The following KLHL8 variants were observed in gnomAD, a reference collection of about 807,000 sequenced individuals.
The protein encoded by KLHL8 is kelch like family member 8.
In KLHL8, 38 loss-of-function variants were observed where a neutral mutation model predicts 63.5. That is an observed-to-expected ratio of 0.60 (90% CI 0.46 to 0.78). The LOEUF (loss-of-function observed/expected upper bound fraction) is 0.78, where lower values mean the gene tolerates loss of function less well. Among genes scored for constraint, KLHL8 ranks in the 30% least tolerant of loss-of-function variants. The probability of loss-of-function intolerance (pLI) is 0.00; values close to 1 mark genes in which losing one functional copy is unlikely to be tolerated. For missense variants in KLHL8, 566 were observed against 752.4 expected (o/e 0.75, Z 2.90); for synonymous variants, 224 against 254.3 (o/e 0.88, Z 1.13).
At chr4:87,177,482 C>A (rs1730873088) in intron 5 of KLHL8, among the ~76,000 whole-genome samples, 1 of 151,740 alleles carries the variant, frequency 6.6e-6, no homozygotes, top group African/African-American at 2.4e-5. Flanking sequence ...CTAGCCTGGG[C>A]AACAAGAGCG....
In KLHL8 at chr4:87,162,580, A is replaced by T. The variant is rs996795736; in HGVS notation, c.*939T>A. 2.6e-5 allele frequency: 4 copies of T among 152,216 alleles called. No homozygotes were observed. The highest frequency in any genetic ancestry group is 9.6e-5 in the African/African-American group (4 of 41,464). The allele number at this position is 152,216 out of a possible 1,614,324, so 9.4% of individuals were successfully genotyped here. On this transcript the variant is annotated 3_prime_UTR_variant, in exon 10 of 10. Transcript: ENST00000273963. Reference sequence around the variant, plus strand: ...TGCAGATTGATTCTGTACAGTCAGAAAAACCAGGATGGTGGCAAATAGCAA... The same window carrying T: ...TGCAGATTGATTCTGTACAGTCAGATAAACCAGGATGGTGGCAAATAGCAA...
At chr4:87,226,587 A>ATATATAAATAATATATATATTACT (rs1193692007) in intron 1 of KLHL8, among the ~76,000 whole-genome samples, 2 of 84,802 alleles carry the variant, frequency 2.4e-5, no homozygotes, top group South Asian at 6.4e-4. Flanking sequence ...CTCTCTCTAT[A>ATATATAAATAATATATATATTACT]TATATAAATA....
intron 8 of KLHL8, chr4:87,167,570 T>A (rs1730450911): frequency 1.9e-6 from 1 of 529,416 alleles, no homozygotes; most frequent in Admixed American, 2.1e-5. Flanking sequence ...GGGGCTGTTA[T>A]GCTAAGAAGA....
At position 87,163,429 on chromosome 4, in the gene KLHL8, T is replaced by G; in HGVS notation, c.*90A>C. The G allele has an allele frequency of 7.5e-7, 1 of 1,334,714 alleles. No homozygotes were observed. Among genetic ancestry groups the G allele is most frequent in the South Asian group, 1.4e-5 (1 of 71,950 alleles). 82.7% of individuals were successfully genotyped at this position (1,334,714 alleles called of 1,614,324 possible). On this transcript the variant is annotated 3_prime_UTR_variant, in exon 10 of 10. Coordinates refer to ENST00000273963, the MANE Select transcript of KLHL8 (RefSeq NM_020803.5). ...CATTTAAATAAGACTCTAGTTGCAGTAAAAAGTGTTGAAAGGTGGTCATAT... is the reference window on the plus strand; with the variant it reads ...CATTTAAATAAGACTCTAGTTGCAGGAAAAAGTGTTGAAAGGTGGTCATAT...
chr4:87,193,680 T>C (rs1651740858), intron 2 of KLHL8, among the ~76,000 whole-genome samples: 1 of 152,206 alleles, frequency 6.6e-6, no homozygotes, highest in African/African-American at 2.4e-5. Context: ...TTATACCTTT[T>C]ATACAACTGG....
chr4:87,209,342 C>T (rs1450858474), intron 1 of KLHL8, among the ~76,000 whole-genome samples: 2 of 152,042 alleles, frequency 1.3e-5, no homozygotes, highest in African/African-American at 4.8e-5. Context: ...TACAGATGTC[C>T]ATTTCTATCA....
rs1319819133 is a variant in KLHL8, at chr4:87,162,576, C to T, written c.*943G>A. On this transcript the variant is annotated 3_prime_UTR_variant, in exon 10 of 10. Coordinates refer to ENST00000273963, the MANE Select transcript of KLHL8 (RefSeq NM_020803.5). ...TAAATGCAGATTGATTCTGTACAGT[C>T]AGAAAAACCAGGATGGTGGCAAATA... 3 of 152,064 alleles carry T rather than the reference C, an allele frequency of 2.0e-5. No homozygotes were observed. Among genetic ancestry groups the T allele is most frequent in the Middle Eastern group, 3.2e-3 (1 of 316 alleles). 9.4% of individuals were successfully genotyped at this position (152,064 alleles called of 1,614,324 possible). A position where few individuals can be genotyped will look rare whatever the true frequency, so the allele number is the denominator to read the frequency against.
chr4:87,210,687 T>C lies in KLHL8; in HGVS notation c.-152+9731A>G, dbSNP rs576701819. Among the ~76,000 whole-genome samples, 35 of 152,294 alleles carry C rather than the reference T, an allele frequency of 2.3e-4. No homozygotes were observed. The South Asian group carries it at 7.0e-3, about 31-fold the overall frequency. ...ATGGCAAACCCCACCCCATGTTCCATAGAGCAAAACCTGAATGTGTTTAAT... is the reference window on the plus strand; with the variant it reads ...ATGGCAAACCCCACCCCATGTTCCACAGAGCAAAACCTGAATGTGTTTAAT... On this transcript the variant is annotated intron_variant, in intron 1 of 9. Transcript: ENST00000273963.
upstream of KLHL8, among the ~76,000 whole-genome samples, chr4:87,221,901 G>A (rs1732868785): frequency 6.6e-6 from 1 of 152,118 alleles, no homozygotes; most frequent in African/African-American, 2.4e-5. Flanking sequence ...GAAGTATGCA[G>A]TGAAGAAAAG....
intron 6 of KLHL8, 39 bp from the exon 7 acceptor site, chr4:87,170,654 G>A (rs960784472): frequency 1.9e-6 from 3 of 1,554,838 alleles, no homozygotes; most frequent in Admixed American, 2.0e-5. Context: ...AAATGAGTTT[G>A]TTTCCAGGAA....
intron 1 of KLHL8, among the ~76,000 whole-genome samples, chr4:87,218,361 C>T (rs1179021714): frequency 4.6e-5 from 7 of 151,940 alleles, no homozygotes; most frequent in African/African-American, 1.5e-4. Flanking sequence ...GGACTACAGG[C>T]ATGCGCCACC....
chr4:87,163,626 A>G lies in KLHL8; in HGVS notation c.1756T>C (p.Ser586Pro). ...PVLNRWELVGSVSHCRAGAGV... is the reference protein window; with the variant it reads ...PVLNRWELVGPVSHCRAGAGV... ...GCTCCAGCTCTGCAGTGAGACACAG[A>G]TCCAACAAGCTCCCACCTGAAAAGA... The change falls in exon 10 of 10, where the codon TCT (serine) becomes CCT (proline). Residue 586 changes from serine (S) to proline (P), a missense_variant. Physicochemically the swap from Ser to Pro is moderately conservative, Grantham distance 74. Coordinates refer to ENST00000273963, the MANE Select transcript of KLHL8 (RefSeq NM_020803.5). The G allele has an allele frequency of 6.2e-7, 1 of 1,613,992 alleles. No homozygotes were observed. Among genetic ancestry groups the G allele is most frequent in the South Asian group, 1.1e-5 (1 of 91,036 alleles).
intron 1 of KLHL8, among the ~76,000 whole-genome samples, chr4:87,204,497 C>T (rs1408037285): frequency 6.6e-6 from 1 of 152,198 alleles, no homozygotes; most frequent in Non-Finnish European, 1.5e-5. Context: ...CGTGTTTACA[C>T]AAAAACTTGC....
intron 1 of KLHL8, among the ~76,000 whole-genome samples, chr4:87,232,379 A>T (rs539176529): frequency 6.6e-6 from 1 of 152,298 alleles, no homozygotes; most frequent in East Asian, 1.9e-4. Flanking sequence ...TTCATCTTTC[A>T]CTGCTACATA....
intron 4 of KLHL8, among the ~76,000 whole-genome samples, chr4:87,181,539 A>G (rs1210842623): frequency 1.3e-5 from 2 of 152,170 alleles, no homozygotes; most frequent in African/African-American, 2.4e-5. Context: ...GATTTTCTTT[A>G]AGTAGAAACT....
intron 1 of KLHL8, among the ~76,000 whole-genome samples, chr4:87,233,444 C>T (rs760249083): frequency 3.7e-4 from 57 of 152,154 alleles, no homozygotes; most frequent in Admixed American, 7.2e-4. Flanking sequence ...CGTTGTGGCA[C>T]GCACCTTTAT....
At position 87,186,750 on chromosome 4, in the gene KLHL8, G is replaced by A. The variant is rs144265061; in HGVS notation, c.217-951C>T. ...GCACTTTGGCCTCCCAAAGTGCTAG[G>A]ATTACAGGCATGAGCCACAGAGCCT... On this transcript the variant is annotated intron_variant, in intron 2 of 9. Coordinates refer to ENST00000273963, the MANE Select transcript of KLHL8 (RefSeq NM_020803.5). 6.2e-3 allele frequency among the ~76,000 whole-genome samples: 941 copies of A among 152,176 alleles called. 11 individuals carry two copies. The highest frequency in any genetic ancestry group is 0.021 in the African/African-American group (887 of 41,526).
intron 2 of KLHL8, among the ~76,000 whole-genome samples, chr4:87,190,583 G>A (rs1376530300): frequency 9.9e-5 from 15 of 151,632 alleles, no homozygotes; most frequent in Non-Finnish European, 1.9e-4. Context: ...GGCAGAGGTT[G>A]CAGTGAGCCA....
intron 1 of KLHL8, among the ~76,000 whole-genome samples, chr4:87,228,336 G>A (rs568274500): frequency 5.2e-4 from 79 of 152,256 alleles, no homozygotes; most frequent in Middle Eastern, 3.4e-3. Flanking sequence ...CAGAGGTGAC[G>A]GTGGTCTGAG....
Sources: allele counts gnomAD v4.1 joint callset (sites outside exome capture counted in the v4.1 genomes callset), GRCh38; gene constraint gnomAD v4.1.1; transcripts MANE v1.5; gene names NCBI Gene and HGNC (gene_info 2026-07-23, HGNC 2026-07-21).